PTCHD1: variants seen among roughly 807,000 people sequenced by gnomAD.
PTCHD1 encodes the protein patched domain-containing protein 1.
Under a neutral mutation model 34.6 loss-of-function variants are expected in PTCHD1, and 3 were observed. That is an observed-to-expected ratio of 0.09 (90% confidence interval 0.04 to 0.22). The LOEUF (loss-of-function observed/expected upper bound fraction) is 0.22, where lower values mean the gene tolerates loss of function less well. PTCHD1 is among the 10% of genes least tolerant of loss of function. The pLI, the probability that PTCHD1 is intolerant of heterozygous loss-of-function variation, is 1.00. For missense variants in PTCHD1, 504 were observed against 685.5 expected (o/e 0.74, Z 2.96); for synonymous variants, 305 against 283.1 (o/e 1.08, Z -0.77).
chrX:23,349,576 G>A (rs966973764), intron 1 of PTCHD1, among the ~76,000 whole-genome samples: 2 of 111,422 alleles, frequency 1.8e-5, no homozygotes, highest in African/African-American at 6.5e-5. Context: ...ATAAAGAGGT[G>A]TATTACCTAA....
chrX:23,373,006 TAA>T (rs1922317976), intron 1 of PTCHD1, among the ~76,000 whole-genome samples: 1 of 112,554 alleles, frequency 8.9e-6, no homozygotes, highest in Non-Finnish European at 1.9e-5. Context: ...ACTACGGGAA[TAA>T]AGAGATTGTT....
At chrX:23,387,715 G>A (rs748199372) in intron 2 of PTCHD1, among the ~76,000 whole-genome samples, 2 of 111,460 alleles carry the variant, frequency 1.8e-5, no homozygotes, top group Admixed American at 9.5e-5. Context: ...AGAACTTGGC[G>A]CTCCCTTCAA....
intron 1 of PTCHD1, among the ~76,000 whole-genome samples, chrX:23,356,885 G>T (rs1921821547): frequency 2.7e-5 from 3 of 111,931 alleles, no homozygotes; most frequent in Non-Finnish European, 1.9e-5. Context: ...AGGAGCTGAA[G>T]AGTGCTGAAC....
chrX:23,350,061 A>T (rs930426889), intron 1 of PTCHD1, among the ~76,000 whole-genome samples: 1 of 32,372 alleles, frequency 3.1e-5, no homozygotes, highest in Non-Finnish European at 4.6e-5. Context: ...TAGTGCTGTT[A>T]AAAAAAAAAA....
chrX:23,354,026 C>A (rs1921727855), intron 1 of PTCHD1, among the ~76,000 whole-genome samples: 1 of 111,357 alleles, frequency 9.0e-6, no homozygotes, highest in African/African-American at 3.3e-5. Context: ...AAACCCTCAC[C>A]AAGAGATTCT....
intron 1 of PTCHD1, among the ~76,000 whole-genome samples, chrX:23,371,943 T>G (rs1044246489): frequency 1.8e-5 from 2 of 111,550 alleles, no homozygotes; most frequent in African/African-American, 6.5e-5. Context: ...AAAGTCCCTT[T>G]ACTCATGAGA....
intron 2 of PTCHD1, among the ~76,000 whole-genome samples, chrX:23,386,581 A>G (rs1601916139): frequency 8.9e-6 from 1 of 112,474 alleles, no homozygotes; most frequent in African/African-American, 3.2e-5. Context: ...CAACCCAGAC[A>G]TATATACACT....
rs1320048939 is a variant in PTCHD1, at chrX:23,393,856, G to A, written c.2338G>A (p.Asp780Asn). ...GTTATCCACATTTGTTCTGGGCAAGGATTTCACAAGAACTAAATGGGTAAA... is the reference window on the plus strand; with the variant it reads ...GTTATCCACATTTGTTCTGGGCAAGAATTTCACAAGAACTAAATGGGTAAA... ...PMLSTFVLGKDFTRTKWVKNA... is the reference protein window; with the variant it reads ...PMLSTFVLGKNFTRTKWVKNA... The change falls in exon 3 of 3, where the codon GAT (aspartate) becomes AAT (asparagine). Residue 780 changes from aspartate to asparagine, a missense_variant. Transcript: ENST00000379361. The A allele has an allele frequency of 8.3e-7, 1 of 1,211,332 alleles. No homozygotes were observed. The highest frequency in any genetic ancestry group is 3.0e-5 in the East Asian group (1 of 33,854).
chrX:23,364,951 A>G (rs753657844), intron 1 of PTCHD1, among the ~76,000 whole-genome samples: 2 of 112,426 alleles, frequency 1.8e-5, no homozygotes, highest in Admixed American at 9.4e-5. Flanking sequence ...AGATCATGCC[A>G]TCTCACAGCT....
chrX:23,335,359 C>G, intron 1 of PTCHD1, 133 bp downstream of exon 1: 1 of 539,663 alleles, frequency 1.9e-6, no homozygotes, highest in South Asian at 3.2e-5. Context: ...TCCTGCACCG[C>G]GCGCCCCAGG....
intron 1 of PTCHD1, among the ~76,000 whole-genome samples, chrX:23,366,828 A>G (rs765611460): frequency 9.0e-6 from 1 of 110,748 alleles, no homozygotes; most frequent in Non-Finnish European, 1.9e-5. Context: ...ATAAATTTCA[A>G]TGAATGAATA....
rs1922496285 is a variant in PTCHD1, at chrX:23,379,441, G to A, written c.352-150G>A. ...ACATTGCGAGAACCACTGGTCAAAT[G>A]TGTGTTTCACATTCCTACTACCTAT... On this transcript the variant is annotated intron_variant, in intron 1 of 2. Transcript: ENST00000379361. 6 of 565,505 alleles carry A rather than the reference G, an allele frequency of 1.1e-5. No individual in the cohort carries two copies. In the East Asian group the frequency reaches 2.2e-4, roughly 20 times the overall value. The allele number at this position is 565,505 out of a possible 1,213,427, so 46.6% of individuals were successfully genotyped here.
At chrX:23,350,802 T>G (rs1417485941) in intron 1 of PTCHD1, among the ~76,000 whole-genome samples, 3 of 110,069 alleles carry the variant, frequency 2.7e-5, no homozygotes, top group Non-Finnish European at 5.7e-5. Flanking sequence ...AAAAGCTAGG[T>G]CGAAAGATAG....
intron 1 of PTCHD1, among the ~76,000 whole-genome samples, chrX:23,336,443 A>G (rs1489530476): frequency 9.0e-6 from 1 of 111,416 alleles, no homozygotes; most frequent in African/African-American, 3.3e-5. Context: ...ACTTATCCCA[A>G]GGGGAGTCTG....
chrX:23,395,499 C>G lies in PTCHD1; in HGVS notation c.*1314C>G, dbSNP rs1601919180. ...CTCTTGCTAAAGTGGCTGCACCTCA[C>G]CTTGCTGGTCCCCCCCACACCTTTT... is the stretch of plus-strand genomic sequence containing the variant. On this transcript the variant is annotated 3_prime_UTR_variant, in exon 3 of 3. Coordinates refer to ENST00000379361, the MANE Select transcript of PTCHD1 (RefSeq NM_173495.3). 1 of 111,663 alleles carries G rather than the reference C, an allele frequency of 9.0e-6. No individual in the cohort carries two copies. The highest frequency in any genetic ancestry group is 1.9e-5 in the Non-Finnish European group (1 of 53,132). The allele number at this position is 111,663 out of a possible 1,213,427, so 9.2% of individuals were successfully genotyped here.
rs771719882 is a variant in PTCHD1 at position 23,358,361 on chromosome X, T to TGA, written c.352-21227_352-21226dup. On this transcript the variant is annotated intron_variant, in intron 1 of 2. Transcript: ENST00000379361. ...TTAATGATTGCCATTCTAACTGGTG[T>TGA]GAGATGGTATCTCATTGTGGTTTTG... Among the ~76,000 whole-genome samples the TGA allele has an allele frequency of 2.5e-3, 281 of 112,405 alleles. 1 individual carries two copies. Among genetic ancestry groups the TGA allele is most frequent in the African/African-American group, 8.7e-3 (270 of 30,963 alleles).
chrX:23,341,912 G>C (rs1198606089), intron 1 of PTCHD1, among the ~76,000 whole-genome samples: 1 of 111,507 alleles, frequency 9.0e-6, no homozygotes, highest in Non-Finnish European at 1.9e-5. Context: ...CCATTGTTAG[G>C]TCTTCCACTT....
chrX:23,359,531 G>C (rs1921910945), intron 1 of PTCHD1, among the ~76,000 whole-genome samples: 1 of 112,240 alleles, frequency 8.9e-6, no homozygotes, highest in African/African-American at 3.2e-5. Context: ...TTGCTTATCA[G>C]CTTAAGGAGA....
At position 23,357,097 on chromosome X, in the gene PTCHD1, C is replaced by A. The variant is rs143429346; in HGVS notation, c.351+21871C>A. ...TGACTGAAGTGTCAGACTCTTTCTA[C>A]CATACCAGGCTGCCTCTGGGGCTCT... On this transcript the variant is annotated intron_variant, in intron 1 of 2. Transcript: ENST00000379361. Among the ~76,000 whole-genome samples, 11 of 112,210 alleles carry A rather than the reference C, an allele frequency of 9.8e-5. No individual in the cohort carries two copies. The East Asian group carries it at 3.1e-3, about 31-fold the overall frequency.
Sources: gnomAD v4.1 joint callset for allele counts (sites outside exome capture counted in the v4.1 genomes callset) on GRCh38, gnomAD v4.1.1 for gene constraint, MANE v1.5 for transcripts, NCBI Gene and HGNC (gene_info 2026-07-23, HGNC 2026-07-21) for gene names.